Variants in KRTAP10-10 observed in about 807,000 individuals in gnomAD.
The protein encoded by KRTAP10-10 is keratin associated protein 10-10, also known as keratin-associated protein 10-10.
For synonymous variants in KRTAP10-10, 139 were observed against 137.6 expected (o/e 1.01, Z -0.07); for missense variants, 324 against 319.9 (o/e 1.01, Z -0.10).
chr21:44,637,498 CGAGCCCTGCTGCTGT>C lies in KRTAP10-10; in HGVS notation c.83_97del (p.Glu28_Cys32del), dbSNP rs1569233073. The stretch of plus-strand genomic sequence containing the variant: ...TAGTCGACTGCCCAGAGAGCTGCTG[CGAGCCCTGCTGCTGT>C]GCCCCAGCCCCCAGCTTGACCCTGG... On this transcript the variant is annotated inframe_deletion, in exon 1 of 1. Coordinates refer to ENST00000380095, the MANE Select transcript of KRTAP10-10 (RefSeq NM_181688.3). The C allele has an allele frequency of 1.2e-6, 2 of 1,613,302 alleles. No individual in the cohort carries two copies. Among genetic ancestry groups the C allele is most frequent in the African/African-American group, 2.7e-5 (2 of 74,854 alleles).
At position 44,638,277 on chromosome 21, in the gene KRTAP10-10, C is replaced by G; in HGVS notation, c.*104C>G. The G allele has an allele frequency of 6.8e-7, 1 of 1,462,156 alleles. No individual in the cohort carries two copies. Among genetic ancestry groups the G allele is most frequent in the Non-Finnish European group, 9.1e-7 (1 of 1,101,086 alleles). The allele number at this position is 1,462,156 out of a possible 1,614,324, so 90.6% of individuals were successfully genotyped here. ...GCTTTGACACCCTCAGAAGGTGGGG[C>G]AGGCTCTTTGTCTTGGGGACCAGGA... On this transcript the variant is annotated 3_prime_UTR_variant, in exon 1 of 1. Coordinates refer to ENST00000380095, the MANE Select transcript of KRTAP10-10 (RefSeq NM_181688.3).
chr21:44,638,335 C>A lies in KRTAP10-10; in HGVS notation c.*162C>A, dbSNP rs142579519. On this transcript the variant is annotated 3_prime_UTR_variant, in exon 1 of 1. Coordinates refer to ENST00000380095, the MANE Select transcript of KRTAP10-10 (RefSeq NM_181688.3). ...CCAGTCCTTCCCAGATGATGGCTGC[C>A]TGTGGGACCCCAGCTACTCCCCCAG... is the stretch of plus-strand genomic sequence containing the variant. 0.15 allele frequency: 43,372 copies of A among 293,004 alleles called. 16,288 individuals carry two copies. The highest frequency in any genetic ancestry group is 0.41 in the South Asian group (6,812 of 16,812). The allele number at this position is 293,004 out of a possible 1,614,324, so 18.2% of individuals were successfully genotyped here.
Position 44,638,009 on chromosome 21 carries a change from T to C in KRTAP10-10, c.592T>C (p.Cys198Arg). ...CGTGTCCCTCCTCTGCCACCCTGTG[T>C]GCAAGTCCACCTGCTGCGTGCCCGT... ...SSVSLLCHPV[C>R]KSTCCVPVPS... is the part of the protein sequence containing the mutation. Residue 198 changes from cysteine to arginine, a missense_variant, in exon 1 of 1, where the codon TGC becomes CGC. By Grantham distance (180) the Cys-to-Arg change is radical. Coordinates refer to ENST00000380095, the MANE Select transcript of KRTAP10-10 (RefSeq NM_181688.3). The C allele has an allele frequency of 6.2e-7, 1 of 1,613,434 alleles. No homozygotes were observed. Among genetic ancestry groups the C allele is most frequent in the South Asian group, 1.1e-5 (1 of 91,010 alleles).
Position 44,638,405 on chromosome 21 carries a change from C to A in KRTAP10-10, c.*232C>A. On this transcript the variant is annotated 3_prime_UTR_variant, in exon 1 of 1. Coordinates refer to ENST00000380095, the MANE Select transcript of KRTAP10-10 (RefSeq NM_181688.3). ...AACCCCCAGCAGGCCTGGTTCCACC[C>A]TGGGCAGCACCCCCTCTAGTTCTAA... The A allele has an allele frequency of 2.5e-6, 1 of 399,782 alleles. No homozygotes were observed. The highest frequency in any genetic ancestry group is 4.8e-6 in the Non-Finnish European group (1 of 210,124). The allele number at this position is 399,782 out of a possible 1,614,324, so 24.8% of individuals were successfully genotyped here.
Position 44,638,081 on chromosome 21 carries a change from C to G in KRTAP10-10, c.664C>G (p.Arg222Gly). 1 of 1,613,634 alleles carries G rather than the reference C, an allele frequency of 6.2e-7. No individual in the cohort carries two copies. Among genetic ancestry groups the G allele is most frequent in the Non-Finnish European group, 8.5e-7 (1 of 1,179,838 alleles). The change falls in exon 1 of 1, where the codon CGC (arginine) becomes GGC (glycine). Residue 222 changes from arginine (R) to glycine (G), a missense_variant. Physicochemically the swap from Arg to Gly is moderately radical, Grantham distance 125. Coordinates refer to ENST00000380095, the MANE Select transcript of KRTAP10-10 (RefSeq NM_181688.3). ...CTCCTCCTGCCAGCCCAGCTGCTGC[C>G]GCACGGCCTCCTGTGTTTCCCTCCT... ...SASSCQPSCCRTASCVSLLCR... is the reference protein window; with the variant it reads ...SASSCQPSCCGTASCVSLLCR...
chr21:44,637,436 T>C lies in KRTAP10-10; in HGVS notation c.19T>C (p.Ser7Pro). 1.9e-6 allele frequency: 3 copies of C among 1,609,136 alleles called. No homozygotes were observed. The highest frequency in any genetic ancestry group is 2.5e-6 in the Non-Finnish European group (3 of 1,177,580). Residue 7 changes from serine (S) to proline (P), a missense_variant, in exon 1 of 1, where the codon TCC becomes CCC. Ser to Pro is a moderately conservative substitution (Grantham distance 74). Transcript: ENST00000380095. ...CTCCAGCATGGCCGCCTCCACCATG[T>C]CCATCTGCTCCAGCGCCTGCACTGA... MAASTM[S>P]ICSSACTDSW... is the part of the protein sequence containing the mutation.
chr21:44,637,865 G>C lies in KRTAP10-10; in HGVS notation c.448G>C (p.Val150Leu). The stretch of plus-strand genomic sequence containing the variant: ...ATGCCAGCAGGCCTGCTGTGTGCCT[G>C]TCTGCTCTAAGTCCGTCTGCTATGT... ...SPCQQACCVP[V>L]CSKSVCYVPV... Residue 150 changes from valine (V) to leucine (L), a missense_variant, in exon 1 of 1, where the codon GTC (valine) becomes CTC (leucine). By Grantham distance (32) the Val-to-Leu change is conservative (BLOSUM62 1). Coordinates refer to ENST00000380095, the MANE Select transcript of KRTAP10-10 (RefSeq NM_181688.3). 6.5e-7 allele frequency: 1 copy of C among 1,530,510 alleles called. No homozygotes were observed. The highest frequency in any genetic ancestry group is 8.9e-7 in the Non-Finnish European group (1 of 1,125,344). 94.8% of individuals were successfully genotyped at this position (1,530,510 alleles called of 1,614,324 possible).
rs782317035 is a variant in KRTAP10-10, at chr21:44,637,597, C to T, written c.180C>T (p.Ser60=). The change falls in exon 1 of 1, where the codon AGC becomes AGT. Residue 60 remains serine, a synonymous_variant. Coordinates refer to ENST00000380095, the MANE Select transcript of KRTAP10-10 (RefSeq NM_181688.3). ...SPCCQTACEP[S]ACQSGYTSSC... The stretch of plus-strand genomic sequence containing the variant: ...GCTGCCAGACGGCCTGTGAGCCCAG[C>T]GCCTGCCAATCAGGCTACACCAGCT... 9 of 1,613,916 alleles carry T rather than the reference C, an allele frequency of 5.6e-6. No individual in the cohort carries two copies. The highest frequency in any genetic ancestry group is 2.2e-5 in the East Asian group (1 of 44,876).
chr21:44,638,305 C>T lies in KRTAP10-10; in HGVS notation c.*132C>T. The T allele has an allele frequency of 1.1e-6, 1 of 885,966 alleles. No homozygotes were observed. The highest frequency in any genetic ancestry group is 2.9e-5 in the East Asian group (1 of 33,994). The allele number at this position is 885,966 out of a possible 1,614,324, so 54.9% of individuals were successfully genotyped here. ...GCTCTTTGTCTTGGGGACCAGGATG[C>T]TCCCCCAGTCCTTCCCAGATGATGG... On this transcript the variant is annotated 3_prime_UTR_variant, in exon 1 of 1. Coordinates refer to ENST00000380095, the MANE Select transcript of KRTAP10-10 (RefSeq NM_181688.3).
chr21:44,637,445 T>C lies in KRTAP10-10; in HGVS notation c.28T>C (p.Ser10Pro), dbSNP rs587628113. Reference sequence around the variant, plus strand: ...GGCCGCCTCCACCATGTCCATCTGCTCCAGCGCCTGCACTGACTCTTGGCG... The same window carrying C: ...GGCCGCCTCCACCATGTCCATCTGCCCCAGCGCCTGCACTGACTCTTGGCG... MAASTMSICSSACTDSWRVV... is the reference protein window; with the variant it reads MAASTMSICPSACTDSWRVV... The change falls in exon 1 of 1, where the codon TCC (serine) becomes CCC (proline). Residue 10 changes from serine to proline, a missense_variant. Transcript: ENST00000380095. 1 of 1,611,306 alleles carries C rather than the reference T, an allele frequency of 6.2e-7. No individual in the cohort carries two copies. The highest frequency in any genetic ancestry group is 1.1e-5 in the South Asian group (1 of 90,572).
chr21:44,638,211 G>A lies in KRTAP10-10; in HGVS notation c.*38G>A, dbSNP rs782385223. The A allele has an allele frequency of 1.1e-5, 17 of 1,572,388 alleles. No homozygotes were observed. In the South Asian group the frequency reaches 1.7e-4, roughly 15 times the overall value. On this transcript the variant is annotated 3_prime_UTR_variant, in exon 1 of 1. Transcript: ENST00000380095. ...TGATCCGGAGTCCCTTCCCACCAGG[G>A]GCTGACCTCCCAGCTGCCCCAGCAA...
Position 44,637,686 on chromosome 21 carries a change from G to A in KRTAP10-10, c.269G>A (p.Cys90Tyr), listed in dbSNP as rs782026582. The A allele has an allele frequency of 7.5e-7, 1 of 1,341,412 alleles. No individual in the cohort carries two copies. The highest frequency in any genetic ancestry group is 1.0e-6 in the Non-Finnish European group (1 of 981,348). 83.1% of individuals were successfully genotyped at this position (1,341,412 alleles called of 1,614,324 possible). ...CCGGATTGCTGCACCTCCTCCCCCT[G>A]CCAGCAGGCCTGCTGTGTGCCTGTC... ...CQPDCCTSSPCQQACCVPVCC... is the reference protein window; with the variant it reads ...CQPDCCTSSPYQQACCVPVCC... Residue 90 changes from cysteine to tyrosine, a missense_variant, in exon 1 of 1, where the codon TGC becomes TAC. Physicochemically the swap from Cys to Tyr is radical, Grantham distance 194. Transcript: ENST00000380095.
Position 44,638,062 on chromosome 21 carries a change from C to A in KRTAP10-10, c.645C>A (p.Ser215=). ...PVPSCGASAS[S]CQPSCCRTAS... ...CCTCCTGCGGTGCCTCTGCCTCCTCCTGCCAGCCCAGCTGCTGCCGCACGG... is the reference window on the plus strand; with the variant it reads ...CCTCCTGCGGTGCCTCTGCCTCCTCATGCCAGCCCAGCTGCTGCCGCACGG... Residue 215 remains serine (S), a synonymous_variant, in exon 1 of 1, where the codon TCC becomes TCA. Transcript: ENST00000380095. 2 of 1,613,354 alleles carry A rather than the reference C, an allele frequency of 1.2e-6. No homozygotes were observed. The highest frequency in any genetic ancestry group is 1.7e-6 in the Non-Finnish European group (2 of 1,179,648).
At position 44,637,953 on chromosome 21, in the gene KRTAP10-10, G is replaced by A; in HGVS notation, c.536G>A (p.Cys179Tyr). The change falls in exon 1 of 1, where the codon TGC becomes TAC. Residue 179 changes from cysteine (C) to tyrosine (Y), a missense_variant. Transcript: ENST00000380095. Reference sequence around the variant, plus strand: ...CAGTCTAGCTGCCAGCCTGCTTGCTGCACCGCCTCCTGCTGCAGACCCTCC... The same window carrying A: ...CAGTCTAGCTGCCAGCCTGCTTGCTACACCGCCTCCTGCTGCAGACCCTCC... ...CQQSSCQPAC[C>Y]TASCCRPSSS... The A allele has an allele frequency of 1.2e-6, 2 of 1,614,004 alleles. No individual in the cohort carries two copies. The highest frequency in any genetic ancestry group is 1.7e-6 in the Non-Finnish European group (2 of 1,179,970).
chr21:44,637,934 A>G lies in KRTAP10-10; in HGVS notation c.517A>G (p.Ser173Gly). The part of the protein sequence containing the change: ...GASTSCCQQS[S>G]CQPACCTASC... ...TTCCACTTCATGCTGCCAGCAGTCT[A>G]GCTGCCAGCCTGCTTGCTGCACCGC... Residue 173 changes from serine (S) to glycine (G), a missense_variant, in exon 1 of 1, where the codon AGC becomes GGC. Coordinates refer to ENST00000380095, the MANE Select transcript of KRTAP10-10 (RefSeq NM_181688.3). 1 of 1,612,768 alleles carries G rather than the reference A, an allele frequency of 6.2e-7. No homozygotes were observed. The highest frequency in any genetic ancestry group is 1.3e-5 in the African/African-American group (1 of 74,846).
rs782777912 is a variant in KRTAP10-10, at chr21:44,638,022, G to C, written c.605G>C (p.Cys202Ser). 2 of 1,613,304 alleles carry C rather than the reference G, an allele frequency of 1.2e-6. No individual in the cohort carries two copies. Among genetic ancestry groups the C allele is most frequent in the African/African-American group, 1.3e-5 (1 of 74,968 alleles). The change falls in exon 1 of 1, where the codon TGC (cysteine) becomes TCC (serine). Residue 202 changes from cysteine (C) to serine (S), a missense_variant. Coordinates refer to ENST00000380095, the MANE Select transcript of KRTAP10-10 (RefSeq NM_181688.3). ...LLCHPVCKST[C>S]CVPVPSCGAS... ...TGCCACCCTGTGTGCAAGTCCACCT[G>C]CTGCGTGCCCGTCCCCTCCTGCGGT...
Position 44,637,500 on chromosome 21 carries a change from A to C in KRTAP10-10, c.83A>C (p.Glu28Ala), listed in dbSNP as rs114653592. 502,866 of 1,612,272 alleles carry C rather than the reference A, an allele frequency of 0.31. 80,012 individuals carry two copies. Among genetic ancestry groups the C allele is most frequent in the South Asian group, 0.4 (36,578 of 90,862 alleles). Residue 28 changes from glutamate to alanine, a missense_variant, in exon 1 of 1, where the codon GAG (glutamate) becomes GCG (alanine). Coordinates refer to ENST00000380095, the MANE Select transcript of KRTAP10-10 (RefSeq NM_181688.3). ...GTCGACTGCCCAGAGAGCTGCTGCG[A>C]GCCCTGCTGCTGTGCCCCAGCCCCC... ...RVVDCPESCCEPCCCAPAPSL... is the reference protein window; with the variant it reads ...RVVDCPESCCAPCCCAPAPSL...
In KRTAP10-10 at chr21:44,637,481, T is replaced by A. The variant is rs1290024237; in HGVS notation, c.64T>A (p.Cys22Ser). The A allele has an allele frequency of 6.2e-7, 1 of 1,613,290 alleles. No individual in the cohort carries two copies. Among genetic ancestry groups the A allele is most frequent in the Non-Finnish European group, 8.5e-7 (1 of 1,179,836 alleles). The change falls in exon 1 of 1, where the codon TGC (cysteine) becomes AGC (serine). Residue 22 changes from cysteine to serine, a missense_variant. Transcript: ENST00000380095. ...CACTGACTCTTGGCGGGTAGTCGAC[T>A]GCCCAGAGAGCTGCTGCGAGCCCTG... is the stretch of plus-strand genomic sequence containing the variant. ...ACTDSWRVVD[C>S]PESCCEPCCC...
chr21:44,637,915 T>A lies in KRTAP10-10; in HGVS notation c.498T>A (p.Thr166=), dbSNP rs149762795. ...CYVPVCSGAS[T]SCCQQSSCQP... The stretch of plus-strand genomic sequence containing the variant: ...TGCCTGTGTGCTCTGGGGCTTCCAC[T>A]TCATGCTGCCAGCAGTCTAGCTGCC... Residue 166 remains threonine (T), a synonymous_variant, in exon 1 of 1, where the codon ACT becomes ACA. Transcript: ENST00000380095. The A allele has an allele frequency of 0.012, 18,580 of 1,607,806 alleles. 148 individuals carry two copies. The highest frequency in any genetic ancestry group is 0.014 in the Non-Finnish European group (16,266 of 1,176,928).
Sources: allele counts gnomAD v4.1 joint callset, GRCh38; gene constraint gnomAD v4.1.1; transcripts MANE v1.5; gene names NCBI Gene and HGNC (gene_info 2026-07-23, HGNC 2026-07-21).